SULT1B1: variants seen among roughly 807,000 people sequenced by gnomAD.
The protein encoded by SULT1B1 is sulfotransferase family 1B member 1.
A neutral mutation model predicts 34.6 loss-of-function variants in SULT1B1; 28 were observed. That is an observed-to-expected ratio of 0.81 (90% CI 0.60 to 1.11). SULT1B1 has a LOEUF of 1.11. SULT1B1 is among the 50% of genes least tolerant of loss of function. SULT1B1 has a pLI of 0.00. For missense variants in SULT1B1, 374 were observed against 352.2 expected (o/e 1.06, Z -0.50); for synonymous variants, 147 against 110.2 (o/e 1.33, Z -2.09).
chr4:69,744,111 C>T (rs1381891145), intron 4 of SULT1B1, among the ~76,000 whole-genome samples: 1 of 152,182 alleles, frequency 6.6e-6, no homozygotes, highest in African/African-American at 2.4e-5. Context: ...GGGCCCAGCT[C>T]TGCCTTGGAA....
In SULT1B1 at chr4:69,750,169, T is replaced by C. The variant is rs529014732; in HGVS notation, c.278-351A>G. 3.9e-5 allele frequency among the ~76,000 whole-genome samples: 6 copies of C among 152,312 alleles called. 1 individual carries two copies. The South Asian group carries it at 1.2e-3, about 32-fold the overall frequency. Reference sequence around the variant, plus strand: ...GAGTTTTATTATACCTGTGCATTGCTATAAATGACTATTTAAATGTTTTCT... The same window carrying C: ...GAGTTTTATTATACCTGTGCATTGCCATAAATGACTATTTAAATGTTTTCT... On this transcript the variant is annotated intron_variant, in intron 3 of 7. Coordinates refer to ENST00000310613, the MANE Select transcript of SULT1B1 (RefSeq NM_014465.4).
At position 69,727,057 on chromosome 4, in the gene SULT1B1, C is replaced by G. The variant is rs1717858317; in HGVS notation, c.*31G>C. On this transcript the variant is annotated 3_prime_UTR_variant, in exon 8 of 8. Transcript: ENST00000310613. The stretch of plus-strand genomic sequence containing the variant: ...CGTTTCAATCAACTACAGACAATCT[C>G]TTATTTCTTCAGATGTGTGATTTAG... 6.5e-7 allele frequency: 1 copy of G among 1,531,432 alleles called. No homozygotes were observed. Among genetic ancestry groups the G allele is most frequent in the Non-Finnish European group, 8.9e-7 (1 of 1,124,460 alleles). The allele number at this position is 1,531,432 out of a possible 1,614,324, so 94.9% of individuals were successfully genotyped here. A position where few individuals can be genotyped will look rare whatever the true frequency, so the allele number is the denominator to read the frequency against.
intron 3 of SULT1B1, among the ~76,000 whole-genome samples, chr4:69,752,440 T>C (rs1265786964): frequency 6.6e-6 from 1 of 152,176 alleles, no homozygotes; most frequent in Non-Finnish European, 1.5e-5. Flanking sequence ...GGAAATGAAA[T>C]ATATTAATAT....
chr4:69,742,142 G>C (rs1718576805), intron 4 of SULT1B1, among the ~76,000 whole-genome samples: 1 of 152,046 alleles, frequency 6.6e-6, no homozygotes, highest in South Asian at 2.1e-4. Context: ...TGTGGTTTTT[G>C]TTTTTAGTAC....
intron 7 of SULT1B1, 134 bp from the exon 8 acceptor site, chr4:69,727,334 A>C (rs1717879076): frequency 1.8e-6 from 1 of 544,104 alleles, no homozygotes; most frequent in Admixed American, 4.1e-5. Flanking sequence ...ACAGTCTTTA[A>C]ATTGTATTAA....
At chr4:69,747,317 G>C (rs1718789413) in intron 4 of SULT1B1, among the ~76,000 whole-genome samples, 1 of 152,206 alleles carries the variant, frequency 6.6e-6, no homozygotes. Context: ...TGCACCAGTA[G>C]GGATCCATAT....
intron 6 of SULT1B1, 49 bp from the exon 7 acceptor site, chr4:69,730,730 T>TGTCAGTGGTTAGAATGA: frequency 6.7e-7 from 1 of 1,494,058 alleles, no homozygotes; most frequent in Non-Finnish European, 9.1e-7. Flanking sequence ...TCACACAATG[T>TGTCAGTGGTTAGAATGA]GAATATTTAT....
At chr4:69,733,302 C>T in intron 6 of SULT1B1, 111 bp downstream of exon 6, 1 of 639,348 alleles carries the variant, frequency 1.6e-6, no homozygotes, top group East Asian at 3.0e-5. Context: ...GGTGGATAGG[C>T]AAAGCAATCA....
intron 4 of SULT1B1, among the ~76,000 whole-genome samples, chr4:69,735,502 G>T (rs1485531605): frequency 3.3e-5 from 5 of 152,154 alleles, no homozygotes; most frequent in African/African-American, 1.2e-4. Flanking sequence ...TATAAACGGG[G>T]CTTTATAAGC....
chr4:69,727,070 A>G lies in SULT1B1; in HGVS notation c.*18T>C. ...TACAGACAATCTCTTATTTCTTCAG[A>G]TGTGTGATTTAGACACTTTAAATCT... On this transcript the variant is annotated 3_prime_UTR_variant, in exon 8 of 8. Transcript: ENST00000310613. 1 of 1,565,430 alleles carries G rather than the reference A, an allele frequency of 6.4e-7. No individual in the cohort carries two copies. Among genetic ancestry groups the G allele is most frequent in the Non-Finnish European group, 8.7e-7 (1 of 1,149,152 alleles).
chr4:69,738,528 C>T (rs1718406787), intron 4 of SULT1B1, among the ~76,000 whole-genome samples: 1 of 152,132 alleles, frequency 6.6e-6, no homozygotes, highest in East Asian at 1.9e-4. Flanking sequence ...ATGAGAACAT[C>T]ATGGGGGAAA....
intron 1 of SULT1B1, among the ~76,000 whole-genome samples, chr4:69,757,252 C>T (rs1227856953): frequency 6.6e-6 from 1 of 152,050 alleles, no homozygotes; most frequent in Non-Finnish European, 1.5e-5. Context: ...TAACATATAA[C>T]ATGTTTACTA....
At chr4:69,729,466 T>C (rs1394040) in intron 7 of SULT1B1, among the ~76,000 whole-genome samples, 44,688 of 151,898 alleles carry the variant, frequency 0.29, 7,685 homozygotes, top group South Asian at 0.45. Flanking sequence ...ATAAGATATA[T>C]ACACATCAGT....
At position 69,727,034 on chromosome 4, in the gene SULT1B1, T is replaced by C. The variant is rs1443499943; in HGVS notation, c.*54A>G. 6 of 1,364,628 alleles carry C rather than the reference T, an allele frequency of 4.4e-6. No homozygotes were observed. The highest frequency in any genetic ancestry group is 2.8e-5 in the South Asian group (2 of 72,244). The allele number at this position is 1,364,628 out of a possible 1,614,324, so 84.5% of individuals were successfully genotyped here. On this transcript the variant is annotated 3_prime_UTR_variant, in exon 8 of 8. Transcript: ENST00000310613. Reference sequence around the variant, plus strand: ...CCAAATCAATTCATAACTGCCCTCGTTTCAATCAACTACAGACAATCTCTT... The same window carrying C: ...CCAAATCAATTCATAACTGCCCTCGCTTCAATCAACTACAGACAATCTCTT...
intron 4 of SULT1B1, among the ~76,000 whole-genome samples, chr4:69,742,598 G>A (rs1301920775): frequency 6.6e-6 from 1 of 152,196 alleles, no homozygotes; most frequent in Non-Finnish European, 1.5e-5. Flanking sequence ...CAATCCTAGT[G>A]TTATGAGATC....
intron 1 of SULT1B1, among the ~76,000 whole-genome samples, chr4:69,759,739 T>C (rs996585599): frequency 6.6e-6 from 1 of 152,214 alleles, no homozygotes; most frequent in African/African-American, 2.4e-5. Flanking sequence ...TAAAAATTAG[T>C]TCATAAAATA....
rs971907908 is a variant in SULT1B1 at position 69,721,955 on chromosome 4, C to T, written c.*5133G>A. 1.3e-5 allele frequency: 2 copies of T among 151,926 alleles called. No homozygotes were observed. The highest frequency in any genetic ancestry group is 2.1e-4 in the South Asian group (1 of 4,832). The allele number at this position is 151,926 out of a possible 1,614,324, so 9.4% of individuals were successfully genotyped here. A position where few individuals can be genotyped will look rare whatever the true frequency, so the allele number is the denominator to read the frequency against. On this transcript the variant is annotated 3_prime_UTR_variant, in exon 8 of 8. Transcript: ENST00000310613. ...ACTGATGATTCAACAGGAGAAATAACGATAAAAGCATTGTTTTAGAAAAAT... is the reference window on the plus strand; with the variant it reads ...ACTGATGATTCAACAGGAGAAATAATGATAAAAGCATTGTTTTAGAAAAAT...
intron 1 of SULT1B1, among the ~76,000 whole-genome samples, chr4:69,757,625 C>T (rs967176710): frequency 5.9e-5 from 9 of 151,986 alleles, no homozygotes; most frequent in African/African-American, 2.2e-4. Context: ...GAAATTTGGG[C>T]AAATATTTTT....
intron 4 of SULT1B1, among the ~76,000 whole-genome samples, chr4:69,734,758 T>A (rs1718231162): frequency 6.6e-6 from 1 of 151,218 alleles, no homozygotes; most frequent in Non-Finnish European, 1.5e-5. Flanking sequence ...TAAAAGGCAT[T>A]AAAATAAGTT....
Sources: allele counts gnomAD v4.1 joint callset (sites outside exome capture counted in the v4.1 genomes callset), GRCh38; gene constraint gnomAD v4.1.1; transcripts MANE v1.5; gene names NCBI Gene and HGNC (gene_info 2026-07-23, HGNC 2026-07-21).